PACSIN2: variants seen among roughly 807,000 people sequenced by gnomAD.
PACSIN2 encodes protein kinase C and casein kinase substrate in neurons 2, also known as protein kinase C and casein kinase substrate in neurons protein 2.
In PACSIN2, 25 loss-of-function variants were observed where a neutral mutation model predicts 63.8. The ratio of observed to expected loss-of-function variants is 0.39; its 90% CI spans 0.29 to 0.55. The LOEUF is 0.55. PACSIN2 is among the 20% of genes least tolerant of loss of function. The probability of loss-of-function intolerance (pLI) is 0.62; values close to 1 mark genes in which losing one functional copy is unlikely to be tolerated. For missense variants in PACSIN2, 518 were observed against 646.9 expected (o/e 0.80, Z 2.16); for synonymous variants, 255 against 256.2 (o/e 1.00, Z 0.05).
At chr22:42,952,019 C>G (rs1933716176) in intron 1 of PACSIN2, among the ~76,000 whole-genome samples, 3 of 152,198 alleles carry the variant, frequency 2.0e-5, no homozygotes, top group Non-Finnish European at 4.4e-5. Flanking sequence ...AAACATTACC[C>G]TCTTCTTAAG....
chr22:42,887,152 G>A (rs1410845120), intron 5 of PACSIN2, among the ~76,000 whole-genome samples: 2 of 152,190 alleles, frequency 1.3e-5, no homozygotes, highest in Non-Finnish European at 2.9e-5. Flanking sequence ...TCCCACCGTG[G>A]AGGCACCTGG....
chr22:43,013,608 C>A (rs1924644961), intron 1 of PACSIN2, among the ~76,000 whole-genome samples: 1 of 152,204 alleles, frequency 6.6e-6, no homozygotes, highest in Non-Finnish European at 1.5e-5. Context: ...CCTGCCTGGT[C>A]GGTTCCCTTG....
At position 43,014,002 on chromosome 22, in the gene PACSIN2, TG is replaced by T. The variant is rs71721681; in HGVS notation, c.-78+1018del. Among the ~76,000 whole-genome samples the T allele has an allele frequency of 2.6e-3, 400 of 152,266 alleles. 7 individuals carry two copies. In the East Asian group the frequency reaches 0.071, roughly 27 times the overall value. ...TTATACGTCAAAGGCTGCAGCCGTG[TG>T]GGCCCCAAAGCAATAGCACAGCTTG... On this transcript the variant is annotated intron_variant, in intron 1 of 10. Transcript: ENST00000263246.
In PACSIN2 at chr22:42,890,858, G is replaced by T; in HGVS notation, c.453+89C>A. On this transcript the variant is annotated intron_variant, in intron 4 of 10. Coordinates refer to ENST00000263246, the MANE Select transcript of PACSIN2 (RefSeq NM_001184970.3). ...TGGCCTCCTGTGCCTACAGCCAGTGGCAGGAAGTCCTAGGTGCAGGAGGTG... is the reference window on the plus strand; with the variant it reads ...TGGCCTCCTGTGCCTACAGCCAGTGTCAGGAAGTCCTAGGTGCAGGAGGTG... 3.0e-6 allele frequency: 3 copies of T among 1,010,832 alleles called. No homozygotes were observed. In the South Asian group the frequency reaches 4.2e-5, roughly 14 times the overall value. The allele number at this position is 1,010,832 out of a possible 1,614,324, so 62.6% of individuals were successfully genotyped here.
At chr22:43,007,505 C>T (rs1924170417) in intron 1 of PACSIN2, among the ~76,000 whole-genome samples, 1 of 152,162 alleles carries the variant, frequency 6.6e-6, no homozygotes, top group Admixed American at 6.5e-5. Flanking sequence ...CGTGACCCCT[C>T]TCTCCCAGCC....
chr22:42,893,703 G>T, intron 2 of PACSIN2, 90 bp from the exon 3 acceptor site: 1 of 1,345,376 alleles, frequency 7.4e-7, no homozygotes, highest in Non-Finnish European at 1.0e-6. Flanking sequence ...ACCAGGCCCT[G>T]ATGCGCCCCT....
intron 2 of PACSIN2, among the ~76,000 whole-genome samples, chr22:42,906,737 C>CA (rs1931100685): frequency 6.6e-6 from 1 of 152,164 alleles, no homozygotes; most frequent in Non-Finnish European, 1.5e-5. Flanking sequence ...CCAGAACAGC[C>CA]AAATACCATC....
intron 1 of PACSIN2, among the ~76,000 whole-genome samples, chr22:42,987,449 A>AACAC (rs745523623): frequency 0.026 from 2,275 of 87,048 alleles, 37 homozygotes; most frequent in East Asian, 0.056. Flanking sequence ...GTCCAGGAGC[A>AACAC]ACACACACAC....
chr22:42,943,097 T>C (rs997769364), intron 1 of PACSIN2, among the ~76,000 whole-genome samples: 7 of 152,356 alleles, frequency 4.6e-5, no homozygotes, highest in African/African-American at 1.7e-4. Flanking sequence ...TTTCAGAATA[T>C]AAGTCTTACA....
At chr22:42,956,770 C>A (rs939681910) in intron 1 of PACSIN2, among the ~76,000 whole-genome samples, 1 of 152,112 alleles carries the variant, frequency 6.6e-6, no homozygotes, top group African/African-American at 2.4e-5. Context: ...TGCCGTTTAA[C>A]CCCTTCTCAG....
intron 10 of PACSIN2, among the ~76,000 whole-genome samples, chr22:42,873,537 G>A (rs1315060312): frequency 3.3e-5 from 5 of 152,234 alleles, no homozygotes; most frequent in African/African-American, 1.2e-4. Flanking sequence ...ACAGCCCCCA[G>A]GCCCTGGCTT....
chr22:42,938,528 A>G (rs969227199), intron 1 of PACSIN2, among the ~76,000 whole-genome samples: 4 of 152,202 alleles, frequency 2.6e-5, no homozygotes, highest in African/African-American at 9.7e-5. Context: ...CTATGGGAAG[A>G]GCTCACCAGG....
Position 43,003,708 on chromosome 22 carries a change from A to T in PACSIN2, c.-78+11313T>A, listed in dbSNP as rs1198486902. ...ATGTGAAGACCTTTCGCAATTTTACAAAGTGCAGTCCTCTACAGAAACACA... is the reference window on the plus strand; with the variant it reads ...ATGTGAAGACCTTTCGCAATTTTACTAAGTGCAGTCCTCTACAGAAACACA... On this transcript the variant is annotated intron_variant, in intron 1 of 10. Transcript: ENST00000263246. 2.0e-5 allele frequency among the ~76,000 whole-genome samples: 3 copies of T among 152,256 alleles called. No individual in the cohort carries two copies. In the East Asian group the frequency reaches 5.8e-4, roughly 29 times the overall value.
At chr22:42,902,302 A>G (rs1930746153) in intron 2 of PACSIN2, among the ~76,000 whole-genome samples, 1 of 152,194 alleles carries the variant, frequency 6.6e-6, no homozygotes, top group Non-Finnish European at 1.5e-5. Flanking sequence ...CATGAGGCCC[A>G]CGGAGAGTGA....
At chr22:42,989,879 T>A in intron 1 of PACSIN2, among the ~76,000 whole-genome samples, 1 of 148,510 alleles carries the variant, frequency 6.7e-6, no homozygotes. Context: ...TATATATATA[T>A]ATATATACAC....
chr22:42,963,787 A>G (rs1920932196), intron 1 of PACSIN2, among the ~76,000 whole-genome samples: 1 of 152,064 alleles, frequency 6.6e-6, no homozygotes, highest in African/African-American at 2.4e-5. Context: ...GGGACCTGCT[A>G]TGAAAATCAA....
chr22:42,923,360 T>C (rs1932319064), intron 1 of PACSIN2, among the ~76,000 whole-genome samples: 1 of 152,234 alleles, frequency 6.6e-6, no homozygotes, highest in Admixed American at 6.5e-5. Flanking sequence ...CAGGTCCTCC[T>C]GGCCCGCAGG....
chr22:43,003,797 G>A (rs988297207), intron 1 of PACSIN2, among the ~76,000 whole-genome samples: 2 of 152,086 alleles, frequency 1.3e-5, no homozygotes, highest in Non-Finnish European at 2.9e-5. Flanking sequence ...TGCATCTGCC[G>A]AAGATGAGGC....
rs5759094 is a variant in PACSIN2 at position 43,014,229 on chromosome 22, T to G, written c.-78+792A>C. Among the ~76,000 whole-genome samples, 50 of 151,268 alleles carry G rather than the reference T, an allele frequency of 3.3e-4. 1 individual carries two copies. The highest frequency in any genetic ancestry group is 2.4e-3 in the Admixed American group (37 of 15,210). On this transcript the variant is annotated intron_variant, in intron 1 of 10. Transcript: ENST00000263246. The stretch of plus-strand genomic sequence containing the variant: ...TGATTCAGTGAGTCTGGGGAAACTC[T>G]GAGGAGGGTCACAAGGGCAAACCTC...
Sources: allele counts gnomAD v4.1 joint callset (sites outside exome capture counted in the v4.1 genomes callset), GRCh38; gene constraint gnomAD v4.1.1; transcripts MANE v1.5; gene names NCBI Gene and HGNC (gene_info 2026-07-23, HGNC 2026-07-21).